The following TPST1 variants were observed in gnomAD, a reference collection of about 807,000 sequenced individuals.
The protein encoded by TPST1 is tyrosylprotein sulfotransferase 1, also known as protein-tyrosine sulfotransferase 1.
Under a neutral mutation model 34.8 loss-of-function variants are expected in TPST1, and 20 were observed. The ratio of observed to expected loss-of-function variants is 0.57; its 90% CI spans 0.40 to 0.84. The LOEUF (loss-of-function observed/expected upper bound fraction) is 0.84. Ranked by LOEUF, TPST1 falls within the 40% of genes least tolerant of loss-of-function variation. The probability of loss-of-function intolerance (pLI) is 0.00; values close to 1 mark genes in which losing one functional copy is unlikely to be tolerated. For missense variants in TPST1, 353 were observed against 455.5 expected (o/e 0.78, Z 2.05); for synonymous variants, 152 against 159.4 (o/e 0.95, Z 0.35).
intron 5 of TPST1, chr7:66,359,531 A>G (rs1562859779): frequency 4.4e-6 from 1 of 226,424 alleles, no homozygotes; most frequent in South Asian, 6.5e-5. Context: ...CACACGAGGA[A>G]TCATGGTGCT....
At chr7:66,357,343 C>T (rs1792601662) in intron 5 of TPST1, among the ~76,000 whole-genome samples, 1 of 152,186 alleles carries the variant, frequency 6.6e-6, no homozygotes, top group Non-Finnish European at 1.5e-5. Context: ...AGGGCCCCAG[C>T]CACCCATCCC....
chr7:66,338,190 G>C (rs1353919526), intron 3 of TPST1, among the ~76,000 whole-genome samples: 1 of 152,016 alleles, frequency 6.6e-6, no homozygotes, highest in African/African-American at 2.4e-5. Context: ...AGAGCCTATA[G>C]TTTTATCACA....
At position 66,360,041 on chromosome 7, in the gene TPST1, T is replaced by G; in HGVS notation, c.*176T>G. On this transcript the variant is annotated 3_prime_UTR_variant, in exon 6 of 6. Transcript: ENST00000304842. ...AGAGGATGGAGGTGTCCGCACAGCT[T>G]TGGGCCTCGTGAGGGATCTGCCTCC... 1 of 444,282 alleles carries G rather than the reference T, an allele frequency of 2.3e-6. No individual in the cohort carries two copies. The highest frequency in any genetic ancestry group is 2.4e-5 in the Admixed American group (1 of 42,042). The allele number at this position is 444,282 out of a possible 1,614,324, so 27.5% of individuals were successfully genotyped here. A position where few individuals can be genotyped will look rare whatever the true frequency, so the allele number is the denominator to read the frequency against.
At chr7:66,279,828 A>G (rs759609571) in intron 2 of TPST1, among the ~76,000 whole-genome samples, 11 of 152,226 alleles carry the variant, frequency 7.2e-5, no homozygotes, top group Admixed American at 1.3e-4. Context: ...ATAGTACCTT[A>G]CAATCCTAAT....
chr7:66,234,258 A>G (rs1162119303), intron 1 of TPST1, among the ~76,000 whole-genome samples: 2 of 152,080 alleles, frequency 1.3e-5, no homozygotes, highest in East Asian at 1.9e-4. Context: ...ACTAATTCCT[A>G]CTCATTCTTC....
chr7:66,341,365 G>A (rs1457348181), intron 3 of TPST1, among the ~76,000 whole-genome samples: 1 of 152,090 alleles, frequency 6.6e-6, no homozygotes, highest in Non-Finnish European at 1.5e-5. Flanking sequence ...TGCAACCTCC[G>A]CCTCCTGGGT....
chr7:66,232,900 C>T (rs768889061), intron 1 of TPST1, among the ~76,000 whole-genome samples: 1 of 152,164 alleles, frequency 6.6e-6, no homozygotes, highest in Non-Finnish European at 1.5e-5. Context: ...ATGTTGTCAT[C>T]TAGTGGGTGT....
rs147643025 is a variant in TPST1, at chr7:66,208,202, G to T, written c.-102+2680G>T. Among the ~76,000 whole-genome samples, 34 of 152,206 alleles carry T rather than the reference G, an allele frequency of 2.2e-4. No homozygotes were observed. In the South Asian group the frequency reaches 7.1e-3, roughly 32 times the overall value. The stretch of plus-strand genomic sequence containing the variant: ...CTTCCAAGCCTTCTGTAGCATGGGC[G>T]CATCCCCTTCCTGGGCCCTTTGTGA... On this transcript the variant is annotated intron_variant, in intron 1 of 5. Coordinates refer to ENST00000304842, the MANE Select transcript of TPST1 (RefSeq NM_003596.4).
intron 2 of TPST1, among the ~76,000 whole-genome samples, chr7:66,264,640 GAAAC>G (rs1790554594): frequency 6.6e-6 from 1 of 152,144 alleles, no homozygotes; most frequent in Non-Finnish European, 1.5e-5. Context: ...GATAAGTCTT[GAAAC>G]AAACAACTAC....
chr7:66,198,863 C>T, the TPST1 span, among the ~76,000 whole-genome samples: 1 of 152,162 alleles, frequency 6.6e-6, no homozygotes, highest in Non-Finnish European at 1.5e-5. Context: ...AATTGTATCA[C>T]CCTTTTCTTT....
At chr7:66,285,802 A>G (rs956837337) in intron 2 of TPST1, among the ~76,000 whole-genome samples, 5 of 152,352 alleles carry the variant, frequency 3.3e-5, no homozygotes, top group Non-Finnish European at 7.3e-5. Flanking sequence ...TATAATCACT[A>G]CAGGCTTAGA....
At chr7:66,300,331 C>G (rs904683335) in intron 3 of TPST1, among the ~76,000 whole-genome samples, 1 of 152,198 alleles carries the variant, frequency 6.6e-6, no homozygotes, top group African/African-American at 2.4e-5. Flanking sequence ...GCAACTCATT[C>G]ATTCAAGTTC....
At chr7:66,266,434 A>T (rs748930134) in intron 2 of TPST1, among the ~76,000 whole-genome samples, 2 of 152,250 alleles carry the variant, frequency 1.3e-5, no homozygotes, top group South Asian at 4.1e-4. Context: ...GAGTTAAACT[A>T]GTATAACCAT....
At chr7:66,355,902 CAA>C (rs573200695) in intron 4 of TPST1, among the ~76,000 whole-genome samples, 88 of 56,898 alleles carry the variant, frequency 1.5e-3, no homozygotes, top group South Asian at 1.3e-3. Context: ...AAGACTCCAT[CAA>C]AAAAAAAAAA....
intron 1 of TPST1, among the ~76,000 whole-genome samples, chr7:66,229,101 A>G (rs1043738875): frequency 4.9e-5 from 7 of 142,000 alleles, no homozygotes; most frequent in African/African-American, 1.9e-4. Flanking sequence ...TATGAAAGGA[A>G]TAATTTTGAG....
At chr7:66,244,623 T>C (rs1011542045) in intron 2 of TPST1, among the ~76,000 whole-genome samples, 3 of 152,200 alleles carry the variant, frequency 2.0e-5, no homozygotes, top group African/African-American at 7.2e-5. Flanking sequence ...TTGTGGAATT[T>C]TTTGTGGAAT....
intron 3 of TPST1, among the ~76,000 whole-genome samples, chr7:66,348,924 T>A (rs1792410157): frequency 6.6e-6 from 1 of 152,200 alleles, no homozygotes; most frequent in African/African-American, 2.4e-5. Context: ...TAACATCGCA[T>A]ACCTAGGTTT....
intron 2 of TPST1, 141 bp downstream of exon 2, chr7:66,241,411 A>G (rs993428668): frequency 3.1e-6 from 3 of 962,670 alleles, no homozygotes; most frequent in African/African-American, 1.7e-5. Flanking sequence ...TCTGGAACAG[A>G]TACAGCTTCA....
intron 2 of TPST1, among the ~76,000 whole-genome samples, chr7:66,253,825 G>A (rs537509195): frequency 4.9e-4 from 74 of 151,660 alleles, no homozygotes; most frequent in Admixed American, 1.4e-3. Context: ...ATCACTTGAG[G>A]TAAGGAGTTA....
Sources: gnomAD v4.1 joint callset for allele counts (sites outside exome capture counted in the v4.1 genomes callset) on GRCh38, gnomAD v4.1.1 for gene constraint, MANE v1.5 for transcripts, NCBI Gene and HGNC (gene_info 2026-07-23, HGNC 2026-07-21) for gene names.